Variants in SRBD1 observed in about 807,000 individuals in gnomAD.
The protein encoded by SRBD1 is S1 RNA binding domain 1, also known as S1 RNA-binding domain-containing protein 1.
Under a neutral mutation model 115.3 loss-of-function variants are expected in SRBD1, and 88 were observed. The ratio of observed to expected loss-of-function variants is 0.76; its 90% CI spans 0.64 to 0.91. SRBD1 has a LOEUF of 0.91. SRBD1 is among the 40% of genes least tolerant of loss of function. The probability of loss-of-function intolerance (pLI) is 0.00; values close to 1 mark genes in which losing one functional copy is unlikely to be tolerated. For synonymous variants in SRBD1, 509 were observed against 407.7 expected, an observed-to-expected ratio of 1.25 and a Z score of -2.99; for missense variants, 1,385 against 1,177.4, an observed-to-expected ratio of 1.18 and a Z score of -2.58.
intron 14 of SRBD1, among the ~76,000 whole-genome samples, chr2:45,536,568 T>C (rs1671769872): frequency 6.6e-6 from 1 of 152,186 alleles, no homozygotes; most frequent in Non-Finnish European, 1.5e-5. Flanking sequence ...TGTTAATAAC[T>C]AAAGTATTTG....
chr2:45,494,597 T>C (rs1286756634), intron 14 of SRBD1, among the ~76,000 whole-genome samples: 2 of 152,212 alleles, frequency 1.3e-5, no homozygotes, highest in African/African-American at 4.8e-5. Context: ...AAAAATCTTA[T>C]AAGAAAATAC....
chr2:45,488,485 C>T (rs1013803227), intron 14 of SRBD1, among the ~76,000 whole-genome samples, 154 bp from the exon 15 acceptor site: 1 of 151,804 alleles, frequency 6.6e-6, no homozygotes, highest in Admixed American at 6.6e-5. Flanking sequence ...TCTAATATTT[C>T]ATTAATATAA....
chr2:45,499,727 T>C (rs1670569159), intron 14 of SRBD1, among the ~76,000 whole-genome samples: 1 of 152,192 alleles, frequency 6.6e-6, no homozygotes, highest in African/African-American at 2.4e-5. Flanking sequence ...TATCCAGTTT[T>C]CCCAGCATCA....
In SRBD1 at chr2:45,567,371, A is replaced by G. The variant is rs552360997; in HGVS notation, c.1306-4615T>C. On this transcript the variant is annotated intron_variant, in intron 9 of 20. Transcript: ENST00000263736. Reference sequence around the variant, plus strand: ...ATGCTCATAATCCCAGCACTTTGAGAGGCCAAAGCAGGAGGACTGGTTGAG... The same window carrying G: ...ATGCTCATAATCCCAGCACTTTGAGGGGCCAAAGCAGGAGGACTGGTTGAG... 3.5e-3 allele frequency among the ~76,000 whole-genome samples: 533 copies of G among 152,278 alleles called. 3 individuals are homozygous for G. Among genetic ancestry groups the G allele is most frequent in the African/African-American group, 0.012 (495 of 41,558 alleles).
At chr2:45,432,867 C>A (rs996325355) in intron 16 of SRBD1, among the ~76,000 whole-genome samples, 3 of 152,036 alleles carry the variant, frequency 2.0e-5, no homozygotes, top group African/African-American at 7.2e-5. Context: ...TCAGAATTCT[C>A]AAAAAATAAA....
rs537742195 is a variant in SRBD1 at position 45,429,273 on chromosome 2, G to A, written c.2050-9379C>T. On this transcript the variant is annotated intron_variant, in intron 16 of 20. Coordinates refer to ENST00000263736, the MANE Select transcript of SRBD1 (RefSeq NM_018079.5). ...ACCATTCCAAACAACAGAAAAAGAC[G>A]GACTCCTCCCTAACTCATTTAATGA... 2.0e-3 allele frequency among the ~76,000 whole-genome samples: 299 copies of A among 152,016 alleles called. 1 individual carries two copies. Among genetic ancestry groups the A allele is most frequent in the Non-Finnish European group, 2.9e-3 (194 of 67,986 alleles).
At chr2:45,574,519 A>C (rs1673116938) in intron 8 of SRBD1, 108 bp downstream of exon 8, 1 of 1,008,990 alleles carries the variant, frequency 9.9e-7, no homozygotes, top group Non-Finnish European at 1.4e-6. Flanking sequence ...TACTTTAAAA[A>C]AAAGTCTGAA....
intron 14 of SRBD1, among the ~76,000 whole-genome samples, chr2:45,502,141 T>C (rs1361182966): frequency 6.6e-6 from 1 of 152,174 alleles, no homozygotes; most frequent in Non-Finnish European, 1.5e-5. Context: ...CAATATTGGC[T>C]GTTCTGCAGC....
At chr2:45,411,480 T>C (rs369906794) in intron 19 of SRBD1, among the ~76,000 whole-genome samples, 3 of 152,008 alleles carry the variant, frequency 2.0e-5, no homozygotes, top group Non-Finnish European at 4.4e-5. Context: ...ATGAGTACAA[T>C]TGTATGGTAG....
At chr2:45,473,081 T>C (rs1669699146) in intron 16 of SRBD1, among the ~76,000 whole-genome samples, 1 of 152,050 alleles carries the variant, frequency 6.6e-6, no homozygotes, top group Admixed American at 6.6e-5. Context: ...CTATTACTTA[T>C]TCCTATCTCC....
intron 19 of SRBD1, among the ~76,000 whole-genome samples, chr2:45,407,697 C>A (rs1359706003): frequency 6.6e-6 from 1 of 152,104 alleles, no homozygotes; most frequent in East Asian, 1.9e-4. Flanking sequence ...TGAGGGATCT[C>A]AAGACACAAC....
intron 9 of SRBD1, 105 bp from the exon 10 acceptor site, chr2:45,562,861 A>C (rs11900809): frequency 0.058 from 37,140 of 645,306 alleles, 2,817 homozygotes; most frequent in African/African-American, 0.29. Flanking sequence ...CGTTTATTAA[A>C]CAAGAATACA....
chr2:45,593,796 T>C (rs550551959), intron 4 of SRBD1, among the ~76,000 whole-genome samples: 40 of 152,324 alleles, frequency 2.6e-4, no homozygotes, highest in African/African-American at 9.4e-4. Flanking sequence ...GTATCACTTA[T>C]TCTACTACAC....
At chr2:45,545,442 C>T (rs1375420371) in intron 14 of SRBD1, among the ~76,000 whole-genome samples, 1 of 151,870 alleles carries the variant, frequency 6.6e-6, no homozygotes, top group Non-Finnish European at 1.5e-5. Flanking sequence ...ATCTTCACTA[C>T]TTAATATTTT....
At chr2:45,490,034 A>G (rs1486461780) in intron 14 of SRBD1, among the ~76,000 whole-genome samples, 1 of 152,156 alleles carries the variant, frequency 6.6e-6, no homozygotes, top group Non-Finnish European at 1.5e-5. Context: ...GGAGTCAAAT[A>G]CGTTCCATAA....
In SRBD1 at chr2:45,397,894, T is replaced by C. The variant is rs1041735394; in HGVS notation, c.2514-4765A>G. Among the ~76,000 whole-genome samples, 4 of 152,328 alleles carry C rather than the reference T, an allele frequency of 2.6e-5. No homozygotes were observed. In the South Asian group the frequency reaches 8.3e-4, roughly 32 times the overall value. On this transcript the variant is annotated intron_variant, in intron 19 of 20. Transcript: ENST00000263736. The stretch of plus-strand genomic sequence containing the variant: ...GATAACAGGTGTGAGCCACTGCACC[T>C]GGCATTTTCAAATGTCTTACCTCCT...
At chr2:45,556,523 C>A (rs1387376791) in intron 10 of SRBD1, among the ~76,000 whole-genome samples, 1 of 125,828 alleles carries the variant, frequency 7.9e-6, no homozygotes, top group Non-Finnish European at 1.6e-5. Context: ...AGTGCAGAGG[C>A]ACAATCTTGG....
chr2:45,450,404 C>T (rs1472980509), intron 16 of SRBD1, among the ~76,000 whole-genome samples: 2 of 151,946 alleles, frequency 1.3e-5, no homozygotes, highest in African/African-American at 4.8e-5. Context: ...TTGTATAGTA[C>T]CAAATGCAAA....
intron 11 of SRBD1, among the ~76,000 whole-genome samples, chr2:45,552,476 T>C (rs913719199): frequency 1.3e-5 from 2 of 152,142 alleles, no homozygotes; most frequent in East Asian, 1.9e-4. Flanking sequence ...TTATTCCACA[T>C]GCAGTGAAGC....
Sources: allele counts gnomAD v4.1 joint callset (sites outside exome capture counted in the v4.1 genomes callset), GRCh38; gene constraint gnomAD v4.1.1; transcripts MANE v1.5; gene names NCBI Gene and HGNC (gene_info 2026-07-23, HGNC 2026-07-21).